SYT2: variants seen among roughly 807,000 people sequenced by gnomAD.
SYT2 encodes synaptotagmin-2.
In SYT2, 15 loss-of-function variants were observed where a neutral mutation model predicts 39.9. The observed-to-expected ratio is 0.38, with a 90% CI of 0.25 to 0.58. SYT2 has a LOEUF of 0.58. Ranked by LOEUF, SYT2 falls within the 20% of genes least tolerant of loss-of-function variation. The pLI is 0.70. For missense variants in SYT2, 389 were observed against 530.3 expected (o/e 0.73, Z 2.62); for synonymous variants, 181 against 204.5 (o/e 0.89, Z 0.98).
intron 1 of SYT2, among the ~76,000 whole-genome samples, chr1:202,619,286 T>TCC (rs1558433159): frequency 1.3e-5 from 2 of 152,058 alleles, no homozygotes; most frequent in African/African-American, 4.8e-5. Context: ...CAGAGTGAAC[T>TCC]CCTCTGTCTG....
chr1:202,644,919 G>A (rs758273713), intron 1 of SYT2, among the ~76,000 whole-genome samples: 7 of 152,190 alleles, frequency 4.6e-5, no homozygotes, highest in Non-Finnish European at 7.3e-5. Flanking sequence ...GCTCCTGGCC[G>A]GGCTGGAGCC....
chr1:202,678,763 C>T (rs1284164282), intron 1 of SYT2, among the ~76,000 whole-genome samples: 1 of 152,150 alleles, frequency 6.6e-6, no homozygotes, highest in Non-Finnish European at 1.5e-5. Flanking sequence ...CAGATAAGCT[C>T]AAGTTTGTAC....
intron 1 of SYT2, among the ~76,000 whole-genome samples, chr1:202,657,397 C>T (rs1692296256): frequency 6.6e-6 from 1 of 152,218 alleles, no homozygotes; most frequent in Non-Finnish European, 1.5e-5. Flanking sequence ...AAGTCCATTT[C>T]CCTGGGAGGT....
intron 1 of SYT2, among the ~76,000 whole-genome samples, chr1:202,611,756 T>C (rs1690889094): frequency 6.6e-6 from 1 of 152,246 alleles, no homozygotes; most frequent in African/African-American, 2.4e-5. Context: ...TTTGGTGCTA[T>C]ATCCAAGAAA....
intron 1 of SYT2, among the ~76,000 whole-genome samples, chr1:202,638,048 G>A (rs1295438599): frequency 1.3e-5 from 2 of 152,216 alleles, no homozygotes; most frequent in Non-Finnish European, 2.9e-5. Flanking sequence ...TACCTCACAT[G>A]AGCCCTTCCT....
chr1:202,610,202 T>A (rs1690848219), intron 1 of SYT2, among the ~76,000 whole-genome samples: 1 of 152,228 alleles, frequency 6.6e-6, no homozygotes, highest in South Asian at 2.1e-4. Flanking sequence ...GTTGTAGATA[T>A]GCGGCATTAT....
At chr1:202,652,260 G>A (rs1399215939) in intron 1 of SYT2, among the ~76,000 whole-genome samples, 1 of 152,182 alleles carries the variant, frequency 6.6e-6, no homozygotes, top group Non-Finnish European at 1.5e-5. Flanking sequence ...TCCCTGGGGA[G>A]AAATAAACAT....
intron 1 of SYT2, chr1:202,639,561 G>A (rs1343187121): frequency 2.0e-5 from 20 of 985,290 alleles, no homozygotes; most frequent in African/African-American, 3.5e-5. Flanking sequence ...GGTGTTCCCC[G>A]CTCCTTCAGC....
At position 202,675,033 on chromosome 1, in the gene SYT2, A is replaced by C. The variant is rs78117219; in HGVS notation, c.-18+35225T>G. Among the ~76,000 whole-genome samples the C allele has an allele frequency of 2.9e-3, 437 of 152,274 alleles. 9 individuals are homozygous for C. In the East Asian group the frequency reaches 0.06, roughly 21 times the overall value. ...CCAAGAAAATGCCAGGTGCTCAGAG[A>C]GGGCCATGGCTTTCTTGTTTATTAC... On this transcript the variant is annotated intron_variant, in intron 1 of 8. Coordinates refer to ENST00000367268, the MANE Select transcript of SYT2 (RefSeq NM_177402.5).
intron 1 of SYT2, among the ~76,000 whole-genome samples, chr1:202,707,066 C>T (rs552608890): frequency 3.3e-5 from 5 of 152,272 alleles, no homozygotes; most frequent in African/African-American, 1.2e-4. Flanking sequence ...ATTGTAAATG[C>T]CACGAGGGCA....
At chr1:202,606,221 A>G (rs1690703493) in intron 1 of SYT2, among the ~76,000 whole-genome samples, 1 of 152,206 alleles carries the variant, frequency 6.6e-6, no homozygotes, top group African/African-American at 2.4e-5. Context: ...ACAGATGGGG[A>G]AACAGGTTCA....
intron 1 of SYT2, among the ~76,000 whole-genome samples, chr1:202,643,097 A>G (rs1691967522): frequency 6.6e-6 from 1 of 152,286 alleles, no homozygotes; most frequent in East Asian, 1.9e-4. Context: ...GCTCAGTCCT[A>G]CCTACTCTTA....
intron 1 of SYT2, among the ~76,000 whole-genome samples, chr1:202,662,105 G>A (rs999603065): frequency 5.9e-5 from 9 of 152,188 alleles, no homozygotes; most frequent in South Asian, 4.1e-4. Flanking sequence ...CAGGAGCCAC[G>A]GGACCCTCTG....
chr1:202,625,846 G>A (rs560214260), intron 1 of SYT2, among the ~76,000 whole-genome samples: 10 of 152,320 alleles, frequency 6.6e-5, no homozygotes, highest in Non-Finnish European at 1.3e-4. Context: ...GGCAGCACCG[G>A]GGAGGGGGTC....
chr1:202,606,212 C>T lies in SYT2; in HGVS notation c.-17-423G>A, dbSNP rs112943488. On this transcript the variant is annotated intron_variant, in intron 1 of 8. Coordinates refer to ENST00000367268, the MANE Select transcript of SYT2 (RefSeq NM_177402.5). The stretch of plus-strand genomic sequence containing the variant: ...AATGGTTTTTATTGGTTCCATTTAA[C>T]AGATGGGGAAACAGGTTCAGAGAGG... 4.8e-3 allele frequency among the ~76,000 whole-genome samples: 735 copies of T among 152,270 alleles called. 6 individuals are homozygous for T. The highest frequency in any genetic ancestry group is 0.017 in the African/African-American group (703 of 41,546).
At chr1:202,680,955 T>G (rs1415033431) in intron 1 of SYT2, among the ~76,000 whole-genome samples, 1 of 152,152 alleles carries the variant, frequency 6.6e-6, no homozygotes, top group Non-Finnish European at 1.5e-5. Context: ...ACAAAAACAC[T>G]GTTTCCCCAT....
chr1:202,662,197 G>C (rs1692394740), intron 1 of SYT2, among the ~76,000 whole-genome samples: 1 of 152,212 alleles, frequency 6.6e-6, no homozygotes, highest in Non-Finnish European at 1.5e-5. Flanking sequence ...CACACCATGG[G>C]CAAAGACCAG....
chr1:202,613,073 T>C (rs1432711362), intron 1 of SYT2, among the ~76,000 whole-genome samples: 2 of 85,058 alleles, frequency 2.4e-5, no homozygotes, highest in African/African-American at 4.5e-5. Context: ...TCTTCCTTTT[T>C]TTTTTTTTTT....
chr1:202,650,031 G>A (rs1190090249), intron 1 of SYT2, among the ~76,000 whole-genome samples: 3 of 152,208 alleles, frequency 2.0e-5, no homozygotes, highest in Admixed American at 6.5e-5. Context: ...CATGGGGAGC[G>A]ATTCCAAGTT....
Sources: gnomAD v4.1 joint callset for allele counts (sites outside exome capture counted in the v4.1 genomes callset) on GRCh38, gnomAD v4.1.1 for gene constraint, MANE v1.5 for transcripts, NCBI Gene and HGNC (gene_info 2026-07-23, HGNC 2026-07-21) for gene names.